ATXN1: variants seen among roughly 807,000 people sequenced by gnomAD.
The protein encoded by ATXN1 is ataxin 1, also known as ataxin-1.
ATXN1 carries 8 observed loss-of-function variants against 56.4 expected under a neutral mutation model. That is an observed-to-expected ratio of 0.14 (90% CI 0.08 to 0.26). The LOEUF (loss-of-function observed/expected upper bound fraction) is 0.26, where lower values mean the gene tolerates loss of function less well. Among genes scored for constraint, ATXN1 ranks in the 10% least tolerant of loss-of-function variants. The probability of loss-of-function intolerance (pLI) is 1.00; values close to 1 mark genes in which losing one functional copy is unlikely to be tolerated. For missense variants in ATXN1, 987 were observed against 1,106.5 expected, an observed-to-expected ratio of 0.89 and a Z score of 1.53; for synonymous variants, 514 against 494.6, an observed-to-expected ratio of 1.04 and a Z score of -0.52.
rs1430143746 is a variant in ATXN1 at position 16,300,354 on chromosome 6, G to T, written c.*5975C>A. 1 of 152,522 alleles carries T rather than the reference G, an allele frequency of 6.6e-6. No individual in the cohort carries two copies. Among genetic ancestry groups the T allele is most frequent in the African/African-American group, 2.4e-5 (1 of 41,426 alleles). 9.4% of individuals were successfully genotyped at this position (152,522 alleles called of 1,614,324 possible). A position where few individuals can be genotyped will look rare whatever the true frequency, so the allele number is the denominator to read the frequency against. The stretch of plus-strand genomic sequence containing the variant: ...CATGGGGACATGAAAAACTGAAGCC[G>T]GTGTTCCCTCCCGCCATTACACAGG... On this transcript the variant is annotated 3_prime_UTR_variant, in exon 8 of 8. Transcript: ENST00000436367.
At chr6:16,483,012 G>A (rs1460644343) in intron 6 of ATXN1, among the ~76,000 whole-genome samples, 1 of 152,140 alleles carries the variant, frequency 6.6e-6, no homozygotes, top group Non-Finnish European at 1.5e-5. Flanking sequence ...ATCATAAAAT[G>A]AGTCCCCATG....
chr6:16,480,490 C>T (rs1056677907), intron 6 of ATXN1, among the ~76,000 whole-genome samples: 3 of 152,128 alleles, frequency 2.0e-5, no homozygotes, highest in Admixed American at 6.5e-5. Flanking sequence ...TTTCGGTACA[C>T]CTGACTCCGC....
intron 1 of ATXN1, among the ~76,000 whole-genome samples, chr6:16,759,046 G>A (rs975022855): frequency 4.6e-5 from 7 of 152,190 alleles, no homozygotes; most frequent in Non-Finnish European, 1.0e-4. Flanking sequence ...TGGGCTTAAG[G>A]GGGGCTTCTA....
intron 6 of ATXN1, among the ~76,000 whole-genome samples, chr6:16,402,256 T>G (rs866417160): frequency 4.4e-5 from 5 of 114,224 alleles, no homozygotes; most frequent in African/African-American, 1.3e-4. Flanking sequence ...TTTTTTTTTT[T>G]TTTTTTTTTT....
intron 6 of ATXN1, among the ~76,000 whole-genome samples, chr6:16,376,767 A>C (rs1017094206): frequency 6.6e-6 from 1 of 152,196 alleles, no homozygotes; most frequent in Admixed American, 6.5e-5. Flanking sequence ...CAAACTCTGA[A>C]ATCACTTCTT....
intron 2 of ATXN1, among the ~76,000 whole-genome samples, chr6:16,746,481 A>C (rs1760540730): frequency 6.6e-6 from 1 of 152,238 alleles, no homozygotes; most frequent in Non-Finnish European, 1.5e-5. Context: ...CTTGCAAATT[A>C]AAAGCAGAAT....
intron 6 of ATXN1, among the ~76,000 whole-genome samples, chr6:16,472,311 G>GT (rs1443907999): frequency 6.6e-6 from 1 of 152,148 alleles, no homozygotes; most frequent in African/African-American, 2.4e-5. Flanking sequence ...AAGGTCATGT[G>GT]TTTGTACAGC....
intron 6 of ATXN1, among the ~76,000 whole-genome samples, chr6:16,436,100 G>T (rs560205662): frequency 1.3e-5 from 2 of 152,046 alleles, no homozygotes; most frequent in African/African-American, 2.4e-5. Flanking sequence ...GTTTCACCAC[G>T]TTGGCCAGCC....
intron 6 of ATXN1, among the ~76,000 whole-genome samples, chr6:16,427,717 C>A (rs1350274773): frequency 2.6e-5 from 4 of 152,198 alleles, no homozygotes; most frequent in Non-Finnish European, 5.9e-5. Flanking sequence ...CAGGCAGATA[C>A]AACTCCCAGG....
rs1761045810 is a variant in ATXN1, at chr6:16,760,353, T to C, written c.-730+945A>G. ...GCGCCTGCCGCGGCTCCTCGTCTCC[T>C]GCCGCGGGTGCTGGCGGGGGCGCCG... On this transcript the variant is annotated intron_variant, in intron 1 of 7. Coordinates refer to ENST00000436367, the MANE Select transcript of ATXN1 (RefSeq NM_001128164.2). The surrounding 1 kb of genome is among the most constrained non-coding windows in gnomAD (Gnocchi z 5.3). Among the ~76,000 whole-genome samples, 1 of 151,554 alleles carries C rather than the reference T, an allele frequency of 6.6e-6. No individual in the cohort carries two copies. Among genetic ancestry groups the C allele is most frequent in the African/African-American group, 2.4e-5 (1 of 41,326 alleles).
intron 6 of ATXN1, among the ~76,000 whole-genome samples, chr6:16,464,502 T>C (rs989917330): frequency 6.6e-6 from 1 of 152,164 alleles, no homozygotes; most frequent in Admixed American, 6.5e-5. Context: ...TAAACCTTGC[T>C]ACTGCTCACT....
chr6:16,694,252 C>CTT lies in ATXN1; in HGVS notation c.-614-36353_-614-36352dup, dbSNP rs537104749. On this transcript the variant is annotated intron_variant, in intron 2 of 7. Coordinates refer to ENST00000436367, the MANE Select transcript of ATXN1 (RefSeq NM_001128164.2). ...GTTTTGTCACTTCTTTTTTTTTTTT[C>CTT]TTTTTTTTTTTTTTTTAAGAGACGG... Among the ~76,000 whole-genome samples the CTT allele has an allele frequency of 1.8e-3, 215 of 122,734 alleles. 1 individual carries two copies. Among genetic ancestry groups the CTT allele is most frequent in the African/African-American group, 4.7e-3 (148 of 31,468 alleles). The allele number at this position is 122,734 out of a possible 152,430, so 80.5% of individuals were successfully genotyped here. A position where few individuals can be genotyped will look rare whatever the true frequency, so the allele number is the denominator to read the frequency against.
intron 6 of ATXN1, among the ~76,000 whole-genome samples, chr6:16,460,022 C>A (rs1759958357): frequency 6.6e-6 from 1 of 152,168 alleles, no homozygotes; most frequent in African/African-American, 2.4e-5. Context: ...CTTGTCCTTG[C>A]CCTAACACAT....
intron 6 of ATXN1, among the ~76,000 whole-genome samples, chr6:16,463,852 C>T (rs1561906106): frequency 6.6e-6 from 1 of 152,180 alleles, no homozygotes. Flanking sequence ...ACCTCTTTGT[C>T]AAATTTGTTT....
At chr6:16,346,904 G>A (rs891731860) in intron 6 of ATXN1, among the ~76,000 whole-genome samples, 1 of 152,230 alleles carries the variant, frequency 6.6e-6, no homozygotes, top group Admixed American at 6.5e-5. Context: ...GTGGGAACCC[G>A]GGCTGCGCGC....
intron 4 of ATXN1, among the ~76,000 whole-genome samples, chr6:16,557,769 G>T (rs1254193774): frequency 3.3e-5 from 5 of 152,130 alleles, no homozygotes; most frequent in Non-Finnish European, 7.3e-5. Context: ...ATAATTGGAC[G>T]GCCACCTAAA....
At chr6:16,484,486 G>C (rs140375115) in intron 6 of ATXN1, among the ~76,000 whole-genome samples, 1 of 152,212 alleles carries the variant, frequency 6.6e-6, no homozygotes, top group African/African-American at 2.4e-5. Flanking sequence ...ACACAGACTT[G>C]CAAAATATTG....
intron 2 of ATXN1, among the ~76,000 whole-genome samples, chr6:16,717,718 A>G (rs1759667575): frequency 6.6e-6 from 1 of 152,164 alleles, no homozygotes; most frequent in Non-Finnish European, 1.5e-5. Flanking sequence ...GTCTCAACTC[A>G]GGCTCATCTG....
At chr6:16,484,055 T>A (rs1338879825) in intron 6 of ATXN1, among the ~76,000 whole-genome samples, 1 of 152,190 alleles carries the variant, frequency 6.6e-6, no homozygotes, top group Non-Finnish European at 1.5e-5. Flanking sequence ...ATAAGGTTTT[T>A]TTTAAAAAAA....
Sources: allele counts gnomAD v4.1 joint callset (sites outside exome capture counted in the v4.1 genomes callset), GRCh38; gene constraint gnomAD v4.1.1; non-coding constraint Gnocchi (gnomAD v3.1); transcripts MANE v1.5; gene names NCBI Gene and HGNC (gene_info 2026-07-23, HGNC 2026-07-21).